Variants in FSD2 observed in about 807,000 individuals in gnomAD.
FSD2 encodes fibronectin type III and SPRY domain-containing protein 2.
In FSD2, 71 loss-of-function variants were observed where a neutral mutation model predicts 80.4. The ratio of observed to expected loss-of-function variants is 0.88; its 90% confidence interval spans 0.73 to 1.08. The LOEUF (loss-of-function observed/expected upper bound fraction) is 1.08, where lower values mean the gene tolerates loss of function less well. Among genes scored for constraint, FSD2 ranks in the 50% least tolerant of loss-of-function variants. The probability of loss-of-function intolerance (pLI) is 0.00; values close to 1 mark genes in which losing one functional copy is unlikely to be tolerated. For missense variants in FSD2, 923 were observed against 913.8 expected, an observed-to-expected ratio of 1.01 and a Z score of -0.13; for synonymous variants, 361 against 329.5, an observed-to-expected ratio of 1.10 and a Z score of -1.03.
intron 1 of FSD2, among the ~76,000 whole-genome samples, chr15:82,792,094 A>T (rs2050165735): frequency 6.6e-6 from 1 of 152,196 alleles, no homozygotes; most frequent in South Asian, 2.1e-4. Flanking sequence ...ATATGTTTTC[A>T]TCTCTTGCAG....
chr15:82,762,594 A>G (rs1316563884), intron 11 of FSD2, among the ~76,000 whole-genome samples: 1 of 152,194 alleles, frequency 6.6e-6, no homozygotes, highest in Non-Finnish European at 1.5e-5. Context: ...AAAAAAAGAA[A>G]AGGGTTGAAA....
chr15:82,775,021 T>A (rs1371424355), intron 6 of FSD2, among the ~76,000 whole-genome samples: 1 of 149,746 alleles, frequency 6.7e-6, no homozygotes, highest in Non-Finnish European at 1.5e-5. Flanking sequence ...CGCCTGGCCT[T>A]GTTTCTAAAT....
rs1405383790 is a variant in FSD2 at position 82,802,094 on chromosome 15, G to T, written c.-79+3872C>A. On this transcript the variant is annotated intron_variant, in intron 1 of 12. Transcript: ENST00000334574. Reference sequence around the variant, plus strand: ...TACTAAGAAACCTGTCTACCATTAGGCTCTGGCTGGGGCAGTCCTGGCTCA... The same window carrying T: ...TACTAAGAAACCTGTCTACCATTAGTCTCTGGCTGGGGCAGTCCTGGCTCA... Among the ~76,000 whole-genome samples, 12 of 152,134 alleles carry T rather than the reference G, an allele frequency of 7.9e-5. 1 individual carries two copies. Among genetic ancestry groups the T allele is most frequent in the Non-Finnish European group, 1.5e-5 (1 of 68,036 alleles).
intron 6 of FSD2, among the ~76,000 whole-genome samples, chr15:82,775,126 T>C (rs2151502939): frequency 6.7e-6 from 1 of 150,104 alleles, no homozygotes; most frequent in East Asian, 2.0e-4. Context: ...CGACTGGCCA[T>C]GGTGGCTCAC....
At chr15:82,762,811 TTA>T (rs991314702) in intron 11 of FSD2, among the ~76,000 whole-genome samples, 43 of 152,298 alleles carry the variant, frequency 2.8e-4, no homozygotes, top group African/African-American at 1.0e-3. Flanking sequence ...CTGGGAACAA[TTA>T]TACTGACAAA....
intron 10 of FSD2, among the ~76,000 whole-genome samples, chr15:82,765,537 T>C (rs2049395997): frequency 6.6e-6 from 1 of 152,142 alleles, no homozygotes; most frequent in Non-Finnish European, 1.5e-5. Flanking sequence ...ATTTTGTAGA[T>C]GAGGAAACAG....
At chr15:82,803,669 C>A (rs1247898318) in intron 1 of FSD2, among the ~76,000 whole-genome samples, 2 of 152,128 alleles carry the variant, frequency 1.3e-5, no homozygotes, top group East Asian at 3.9e-4. Context: ...ATGACATCCA[C>A]CCCCTCCAGC....
chr15:82,791,612 A>C (rs1053554517), intron 1 of FSD2, among the ~76,000 whole-genome samples: 1 of 149,670 alleles, frequency 6.7e-6, no homozygotes, highest in African/African-American at 2.5e-5. Context: ...AGTTCAAGGG[A>C]TTGCCCACCT....
chr15:82,782,661 G>A (rs1367633822), intron 4 of FSD2, 134 bp downstream of exon 4: 8 of 714,018 alleles, frequency 1.1e-5, no homozygotes, highest in Non-Finnish European at 1.9e-5. Context: ...ATGGATGCTG[G>A]CCATAAAAGT....
chr15:82,763,826 T>C (rs972432323), intron 11 of FSD2, among the ~76,000 whole-genome samples: 1 of 152,232 alleles, frequency 6.6e-6, no homozygotes, highest in Admixed American at 6.5e-5. Context: ...CCTAACTTTT[T>C]GTGTGTATAC....
rs868032374 is a variant in FSD2, at chr15:82,759,619, A to G, written c.1998-19T>C. 13 of 1,527,464 alleles carry G rather than the reference A, an allele frequency of 8.5e-6. No individual in the cohort carries two copies. In the Middle Eastern group the frequency reaches 7.9e-4, roughly 92 times the overall value. 94.6% of individuals were successfully genotyped at this position (1,527,464 alleles called of 1,614,324 possible). ...CTTATGCCTGAAAATTAAATTTGACATAATAAAGTTTCAGTAATTCTATAG... is the reference window on the plus strand; with the variant it reads ...CTTATGCCTGAAAATTAAATTTGACGTAATAAAGTTTCAGTAATTCTATAG... On this transcript the variant is annotated intron_variant, in intron 12 of 12. Coordinates refer to ENST00000334574, the MANE Select transcript of FSD2 (RefSeq NM_001007122.4).
rs768159960 is a variant in FSD2, at chr15:82,772,053, T to C, written c.1267+20A>G. 1 of 1,534,904 alleles carries C rather than the reference T, an allele frequency of 6.5e-7. No individual in the cohort carries two copies. The highest frequency in any genetic ancestry group is 8.7e-7 in the Non-Finnish European group (1 of 1,148,310). Reference sequence around the variant, plus strand: ...TGAACTGTTCCCATGAGCACGGGCATGTTCCTGGCAGAGCCTCACCTGCTT... The same window carrying C: ...TGAACTGTTCCCATGAGCACGGGCACGTTCCTGGCAGAGCCTCACCTGCTT... On this transcript the variant is annotated intron_variant, in intron 7 of 12. Transcript: ENST00000334574.
chr15:82,777,016 C>T (rs1462165983), intron 6 of FSD2, among the ~76,000 whole-genome samples: 1 of 152,162 alleles, frequency 6.6e-6, no homozygotes, highest in African/African-American at 2.4e-5. Context: ...ACTATATCCA[C>T]CTGCAGAATA....
chr15:82,784,510 G>A (rs899151845), intron 3 of FSD2, among the ~76,000 whole-genome samples: 6 of 152,122 alleles, frequency 3.9e-5, no homozygotes, highest in African/African-American at 1.2e-4. Context: ...GCCTCCCAAA[G>A]TGCTGAAATT....
At chr15:82,781,613 A>T (rs1406679467) in intron 4 of FSD2, among the ~76,000 whole-genome samples, 1 of 152,194 alleles carries the variant, frequency 6.6e-6, no homozygotes, top group South Asian at 2.1e-4. Flanking sequence ...TTTTCAAGAA[A>T]ATTAGGAAAT....
chr15:82,772,562 GGATCACAGCACT>G (rs2049608102), intron 6 of FSD2, among the ~76,000 whole-genome samples: 3 of 152,170 alleles, frequency 2.0e-5, no homozygotes, highest in Middle Eastern at 3.2e-3. Context: ...AGGACAACCG[GGATCACAGCACT>G]GCTGCCTCAG....
chr15:82,766,916 G>T (rs2049436739), intron 9 of FSD2, among the ~76,000 whole-genome samples: 1 of 152,148 alleles, frequency 6.6e-6, no homozygotes. Context: ...TATTGCTGCG[G>T]TTGCCAACCC....
At chr15:82,764,768 G>A (rs547474065) in intron 11 of FSD2, among the ~76,000 whole-genome samples, 2 of 151,966 alleles carry the variant, frequency 1.3e-5, no homozygotes, top group Admixed American at 6.6e-5. Flanking sequence ...ATGAGCCACC[G>A]TGCCTGGCCT....
intron 5 of FSD2, among the ~76,000 whole-genome samples, chr15:82,779,896 A>G (rs2049811897): frequency 1.3e-5 from 2 of 152,012 alleles, no homozygotes; most frequent in Non-Finnish European, 2.9e-5. Context: ...AAATGTGCAC[A>G]CTTTCTGCAA....
Sources: allele counts gnomAD v4.1 joint callset (sites outside exome capture counted in the v4.1 genomes callset), GRCh38; gene constraint gnomAD v4.1.1; transcripts MANE v1.5; gene names NCBI Gene and HGNC (gene_info 2026-07-23, HGNC 2026-07-21).